The following SRRM4 variants were observed in gnomAD, a reference collection of about 807,000 sequenced individuals.
SRRM4 encodes serine/arginine repetitive matrix protein 4.
Under a neutral mutation model 68.9 loss-of-function variants are expected in SRRM4, and 33 were observed. That is an observed-to-expected ratio of 0.48 (90% CI 0.36 to 0.64). The LOEUF (loss-of-function observed/expected upper bound fraction) is 0.64. Among genes scored for constraint, SRRM4 ranks in the 30% least tolerant of loss-of-function variants. The pLI is 0.00. For missense variants in SRRM4, 817 were observed against 827.1 expected, an observed-to-expected ratio of 0.99 and a Z score of 0.15; for synonymous variants, 318 against 318.8, an observed-to-expected ratio of 1.00 and a Z score of 0.03.
intron 1 of SRRM4, among the ~76,000 whole-genome samples, chr12:119,008,921 C>A (rs985265836): frequency 6.6e-6 from 1 of 151,974 alleles, no homozygotes; most frequent in African/African-American, 2.4e-5. Context: ...GGGCCGACCG[C>A]CACCCGCCTG....
At chr12:119,148,420 G>A (rs1565919555) in intron 9 of SRRM4, among the ~76,000 whole-genome samples, 1 of 152,150 alleles carries the variant, frequency 6.6e-6, no homozygotes, top group Non-Finnish European at 1.5e-5. Flanking sequence ...GGAGGAGGAG[G>A]ACACATGTTT....
Position 119,102,399 on chromosome 12 carries a change from A to G in SRRM4, c.278+17A>G, listed in dbSNP as rs754510647. 1 of 1,591,926 alleles carries G rather than the reference A, an allele frequency of 6.3e-7. No homozygotes were observed. The highest frequency in any genetic ancestry group is 1.1e-5 in the South Asian group (1 of 88,332). ...AGGACACAGGTGAGATCCAATGAGG[A>G]CGTTCAAGTTGAAGATACAGAAATA... On this transcript the variant is annotated intron_variant, in intron 2 of 12. Transcript: ENST00000267260.
intron 1 of SRRM4, among the ~76,000 whole-genome samples, chr12:119,021,676 G>A (rs1444083570): frequency 6.6e-6 from 1 of 152,158 alleles, no homozygotes; most frequent in Admixed American, 6.5e-5. Flanking sequence ...AAATAGATGT[G>A]CTTGCGACTT....
chr12:119,051,526 T>A (rs1230799386), intron 1 of SRRM4, among the ~76,000 whole-genome samples: 1 of 152,172 alleles, frequency 6.6e-6, no homozygotes, highest in Admixed American at 6.5e-5. Flanking sequence ...AGGGAATGAA[T>A]CTTCTCTTAT....
chr12:119,121,737 G>A (rs946977654), intron 5 of SRRM4, among the ~76,000 whole-genome samples: 1 of 152,168 alleles, frequency 6.6e-6, no homozygotes, highest in African/African-American at 2.4e-5. Context: ...AGTTGTTGAC[G>A]AAAGTATTCA....
intron 1 of SRRM4, among the ~76,000 whole-genome samples, chr12:119,045,580 C>G (rs1316164050): frequency 2.0e-5 from 3 of 149,392 alleles, no homozygotes; most frequent in Admixed American, 1.4e-4. Context: ...TGGTGGTAAT[C>G]GGTTGGGAAC....
intron 1 of SRRM4, among the ~76,000 whole-genome samples, chr12:119,035,499 A>G (rs12580370): frequency 0.14 from 20,753 of 152,108 alleles, 1,478 homozygotes; most frequent in East Asian, 0.26. Flanking sequence ...TTCCCATTCT[A>G]CAATTTTGGG....
chr12:118,996,945 G>T (rs1424835137), intron 1 of SRRM4, among the ~76,000 whole-genome samples: 1 of 152,226 alleles, frequency 6.6e-6, no homozygotes, highest in African/African-American at 2.4e-5. Context: ...GGAAGGTTCT[G>T]CACAGAGATG....
At chr12:118,991,046 C>T (rs1953313416) in intron 1 of SRRM4, among the ~76,000 whole-genome samples, 1 of 152,152 alleles carries the variant, frequency 6.6e-6, no homozygotes, top group African/African-American at 2.4e-5. Context: ...CTCAGGTGAT[C>T]CACCCTCCTC....
chr12:119,065,033 T>A (rs1953836976), intron 1 of SRRM4, among the ~76,000 whole-genome samples: 1 of 152,200 alleles, frequency 6.6e-6, no homozygotes, highest in Non-Finnish European at 1.5e-5. Context: ...AACCTCTTTA[T>A]ATATATTATG....
At chr12:119,106,223 A>G (rs1411719938) in intron 2 of SRRM4, among the ~76,000 whole-genome samples, 1 of 152,214 alleles carries the variant, frequency 6.6e-6, no homozygotes, top group Non-Finnish European at 1.5e-5. Context: ...CTTGTAGTAT[A>G]GTTTGAAGTC....
intron 8 of SRRM4, among the ~76,000 whole-genome samples, chr12:119,137,597 A>AGAGG (rs1274675970): frequency 3.6e-5 from 1 of 27,740 alleles, no homozygotes; most frequent in African/African-American, 6.8e-5. Flanking sequence ...GGAGAGAGAG[A>AGAGG]GAGAGAGAGA....
intron 1 of SRRM4, among the ~76,000 whole-genome samples, chr12:119,085,732 C>A (rs1953976010): frequency 6.6e-6 from 1 of 152,118 alleles, no homozygotes; most frequent in Admixed American, 6.5e-5. Context: ...AGGGTGAAAG[C>A]TAAAAGCTGC....
intron 1 of SRRM4, among the ~76,000 whole-genome samples, chr12:119,044,731 GA>G (rs1194016877): frequency 2.6e-5 from 4 of 151,778 alleles, no homozygotes; most frequent in South Asian, 2.1e-4. Context: ...AAAATATCTA[GA>G]AAAAAAAGCC....
intron 1 of SRRM4, among the ~76,000 whole-genome samples, chr12:119,006,775 C>A (rs1428313933): frequency 6.6e-6 from 1 of 152,212 alleles, no homozygotes; most frequent in Non-Finnish European, 1.5e-5. Flanking sequence ...TGGTCAAATG[C>A]GACCATAAGC....
intron 1 of SRRM4, among the ~76,000 whole-genome samples, chr12:119,065,167 C>A (rs1953837864): frequency 3.3e-5 from 5 of 152,086 alleles, no homozygotes; most frequent in Admixed American, 6.5e-5. Flanking sequence ...AGGGGTAGGA[C>A]CAGCAATCAA....
In SRRM4 at chr12:119,159,280, A is replaced by G. The variant is rs988843214; in HGVS notation, c.*2482A>G. On this transcript the variant is annotated 3_prime_UTR_variant, in exon 13 of 13. Transcript: ENST00000267260. ...ACAGGGGTATCAAAAAGATGTAAAC[A>G]GCCCAGAGGCTTATGAGCTACAGTG... 2.6e-5 allele frequency: 4 copies of G among 152,260 alleles called. No individual in the cohort carries two copies. The highest frequency in any genetic ancestry group is 2.1e-4 in the South Asian group (1 of 4,830). 9.4% of individuals were successfully genotyped at this position (152,260 alleles called of 1,614,324 possible).
At chr12:119,126,671 T>G (rs1659675558) in intron 7 of SRRM4, among the ~76,000 whole-genome samples, 1 of 152,180 alleles carries the variant, frequency 6.6e-6, no homozygotes, top group Non-Finnish European at 1.5e-5. Flanking sequence ...ATCTTGTTGA[T>G]GAGAAGAAGG....
intron 1 of SRRM4, among the ~76,000 whole-genome samples, chr12:119,038,787 G>C (rs950603384): frequency 6.6e-6 from 1 of 152,128 alleles, no homozygotes; most frequent in South Asian, 2.1e-4. Context: ...TGGTATTCCT[G>C]CTGCCCAGTT....
Sources: gnomAD v4.1 joint callset for allele counts (sites outside exome capture counted in the v4.1 genomes callset) on GRCh38, gnomAD v4.1.1 for gene constraint, MANE v1.5 for transcripts, NCBI Gene and HGNC (gene_info 2026-07-23, HGNC 2026-07-21) for gene names.